Variants in MAP4K4 observed in about 807,000 individuals in gnomAD.
MAP4K4 encodes the protein mitogen-activated protein kinase kinase kinase kinase 4.
In MAP4K4, 38 loss-of-function variants were observed where a neutral mutation model predicts 189.6. The ratio of observed to expected loss-of-function variants is 0.20; its 90% CI spans 0.15 to 0.26. MAP4K4 has a LOEUF of 0.26. Among genes scored for constraint, MAP4K4 ranks in the 10% least tolerant of loss-of-function variants. The probability of loss-of-function intolerance (pLI) is 1.00; values close to 1 mark genes in which losing one functional copy is unlikely to be tolerated. For missense variants in MAP4K4, 1,054 were observed against 1,726.9 expected, an observed-to-expected ratio of 0.61 and a Z score of 6.91; for synonymous variants, 610 against 624.3, an observed-to-expected ratio of 0.98 and a Z score of 0.34.
intron 9 of MAP4K4, among the ~76,000 whole-genome samples, chr2:101,836,821 C>T (rs1345736121): frequency 1.3e-5 from 2 of 152,104 alleles, no homozygotes; most frequent in African/African-American, 4.8e-5. Context: ...AGTACTGATA[C>T]CCGCAGAGAG....
rs1416784118 is a variant in MAP4K4 at position 101,887,886 on chromosome 2, A to G, written c.3880A>G (p.Arg1294Gly). 14 of 1,612,344 alleles carry G rather than the reference A, an allele frequency of 8.7e-6. No homozygotes were observed. Among genetic ancestry groups the G allele is most frequent in the Non-Finnish European group, 1.2e-5 (14 of 1,179,096 alleles). Residue 1294 changes from arginine (R) to glycine (G), a missense_variant, in exon 31 of 33, where the codon AGG (arginine) becomes GGG (glycine). Arg to Gly is a moderately radical substitution (Grantham distance 125, BLOSUM62 -2). Around this residue, in one of 4 missense-constraint regions of MAP4K4, gnomAD observed 189 missense variants for 405.7 expected, o/e 0.47. Transcript: ENST00000324219. ...GGGGGTTTATGTAAACACATATGGA[A>G]GGATCACCAAGGATGTAGTTCTACA...
chr2:101,740,161 T>TCCCC (rs1353029035), intron 2 of MAP4K4, among the ~76,000 whole-genome samples: 1 of 115,046 alleles, frequency 8.7e-6, no homozygotes, highest in African/African-American at 6.6e-5. Context: ...CTTTTTTTTT[T>TCCCC]TTTTTTTTTT....
intron 3 of MAP4K4, among the ~76,000 whole-genome samples, chr2:101,801,409 G>GC (rs2094359220): frequency 1.3e-5 from 2 of 152,128 alleles, no homozygotes. Flanking sequence ...AGTCACATAG[G>GC]CCCTGTTTAC....
At position 101,801,584 on chromosome 2, in the gene MAP4K4, G is replaced by A. The variant is rs561869068; in HGVS notation, c.180+10808G>A. On this transcript the variant is annotated intron_variant, in intron 3 of 32. Transcript: ENST00000324219. ...TCCAAAAGGAAAACAGGTGTTTGGC[G>A]TAAACTGCATTCTAGGTACAGTGAG... Among the ~76,000 whole-genome samples the A allele has an allele frequency of 4.6e-5, 7 of 152,292 alleles. No individual in the cohort carries two copies. The South Asian group carries it at 8.3e-4, about 18-fold the overall frequency.
At chr2:101,779,245 C>T (rs909050184) in intron 2 of MAP4K4, among the ~76,000 whole-genome samples, 3 of 152,004 alleles carry the variant, frequency 2.0e-5, no homozygotes, top group African/African-American at 2.4e-5. Flanking sequence ...TAGAGGGAAG[C>T]ATAAAGCTCA....
chr2:101,860,140 A>G, intron 15 of MAP4K4: 1 of 498,152 alleles, frequency 2.0e-6, no homozygotes, highest in East Asian at 3.7e-5. Flanking sequence ...TACATGACAC[A>G]GTCACTCTTA....
intron 13 of MAP4K4, among the ~76,000 whole-genome samples, chr2:101,858,215 C>A (rs973401113): frequency 6.6e-6 from 1 of 152,226 alleles, no homozygotes; most frequent in Admixed American, 6.5e-5. Context: ...CTGAGGCCTC[C>A]TGGTATCCCT....
At chr2:101,724,842 T>TA (rs2054334094) in intron 2 of MAP4K4, among the ~76,000 whole-genome samples, 1 of 152,210 alleles carries the variant, frequency 6.6e-6, no homozygotes, top group African/African-American at 2.4e-5. Context: ...TATGTGCACA[T>TA]AAGGATGTTT....
intron 3 of MAP4K4, among the ~76,000 whole-genome samples, chr2:101,818,289 A>G (rs536123878): frequency 3.0e-4 from 45 of 152,298 alleles, no homozygotes; most frequent in African/African-American, 1.1e-3. Flanking sequence ...TTTGGTGCCG[A>G]AGTCTTCCAG....
At chr2:101,843,772 A>AT (rs1270636659) in intron 11 of MAP4K4, among the ~76,000 whole-genome samples, 2 of 152,222 alleles carry the variant, frequency 1.3e-5, no homozygotes, top group African/African-American at 2.4e-5. Flanking sequence ...AAGAAAAAAA[A>AT]AGTGGTTAAA....
intron 27 of MAP4K4, 65 bp from the exon 28 acceptor site, chr2:101,882,486 A>G (rs1003907859): frequency 3.6e-5 from 46 of 1,274,028 alleles, no homozygotes; most frequent in Admixed American, 9.0e-5. Flanking sequence ...TTTGGTTACT[A>G]TTGTTATTAA....
intron 2 of MAP4K4, among the ~76,000 whole-genome samples, chr2:101,779,194 A>AG: frequency 6.6e-6 from 1 of 152,138 alleles, no homozygotes. Flanking sequence ...AGGTTTGTTT[A>AG]TTGATAGGGA....
intron 2 of MAP4K4, among the ~76,000 whole-genome samples, chr2:101,757,160 C>T (rs1208211283): frequency 6.6e-6 from 1 of 151,988 alleles, no homozygotes; most frequent in African/African-American, 2.4e-5. Context: ...GCATAAAGAG[C>T]CTTGGGACTT....
intron 27 of MAP4K4, among the ~76,000 whole-genome samples, chr2:101,881,646 C>T (rs917071791): frequency 1.8e-4 from 27 of 152,152 alleles, no homozygotes; most frequent in African/African-American, 5.1e-4. Context: ...TTATGTATGA[C>T]GTTAGCTGTA....
intron 2 of MAP4K4, among the ~76,000 whole-genome samples, chr2:101,709,422 C>T (rs576936380): frequency 6.6e-6 from 1 of 152,188 alleles, no homozygotes; most frequent in Admixed American, 6.5e-5. Context: ...AGGCTAGTCT[C>T]GAACTCCTCA....
At chr2:101,730,601 T>C (rs573725419) in intron 2 of MAP4K4, among the ~76,000 whole-genome samples, 2 of 152,292 alleles carry the variant, frequency 1.3e-5, no homozygotes, top group African/African-American at 4.8e-5. Context: ...CCAGCAGCAC[T>C]GGACAGGTGT....
intron 22 of MAP4K4, 53 bp from the exon 23 acceptor site, chr2:101,870,242 T>A: frequency 6.3e-7 from 1 of 1,587,956 alleles, no homozygotes; most frequent in Non-Finnish European, 8.6e-7. Context: ...CTAAACAGGA[T>A]CTCCTTGACT....
At chr2:101,834,750 G>GT (rs1379157586) in intron 8 of MAP4K4, among the ~76,000 whole-genome samples, 1 of 152,200 alleles carries the variant, frequency 6.6e-6, no homozygotes, top group Admixed American at 6.5e-5. Context: ...ATAATAAGTA[G>GT]TAAGTTTTCT....
At chr2:101,720,873 A>G (rs2051478993) in intron 2 of MAP4K4, among the ~76,000 whole-genome samples, 1 of 152,222 alleles carries the variant, frequency 6.6e-6, no homozygotes, top group Non-Finnish European at 1.5e-5. Context: ...GGCATAGTTG[A>G]TCACATATTT....
Sources: gnomAD v4.1 joint callset for allele counts (sites outside exome capture counted in the v4.1 genomes callset) on GRCh38, gnomAD v4.1.1 for gene constraint, gnomAD v4.1.1 regional missense constraint, MANE v1.5 for transcripts, NCBI Gene and HGNC (gene_info 2026-07-23, HGNC 2026-07-21) for gene names.